Variants in CD86 observed in about 807,000 individuals in gnomAD.
The protein encoded by CD86 is T-lymphocyte activation antigen CD86.
Under a neutral mutation model 32.1 loss-of-function variants are expected in CD86, and 11 were observed. The ratio of observed to expected loss-of-function variants is 0.34; its 90% confidence interval spans 0.22 to 0.57. CD86 has a LOEUF of 0.57. Ranked by LOEUF, CD86 falls within the 20% of genes least tolerant of loss-of-function variation. CD86 has a pLI of 0.86. For missense variants in CD86, 359 were observed against 398.4 expected (o/e 0.90, Z 0.84); for synonymous variants, 137 against 135.3 (o/e 1.01, Z -0.09).
At chr3:122,096,731 TTG>T in intron 2 of CD86, among the ~76,000 whole-genome samples, 1 of 152,320 alleles carries the variant, frequency 6.6e-6, no homozygotes, top group Non-Finnish European at 1.5e-5. Flanking sequence ...CAGTGAGTAG[TTG>T]AGCTGAGATT....
At chr3:122,066,846 T>C (rs2072420415) in intron 1 of CD86, among the ~76,000 whole-genome samples, 1 of 151,944 alleles carries the variant, frequency 6.6e-6, no homozygotes, top group African/African-American at 2.4e-5. Context: ...TTTAACACGA[T>C]GAGGAAACTG....
chr3:122,063,563 T>C (rs1179737843), intron 1 of CD86, among the ~76,000 whole-genome samples: 2 of 151,832 alleles, frequency 1.3e-5, no homozygotes, highest in African/African-American at 2.4e-5. Flanking sequence ...TGGTAAATGG[T>C]TCCTAAAACT....
intron 1 of CD86, among the ~76,000 whole-genome samples, chr3:122,073,309 G>T (rs57720977): frequency 3.3e-5 from 5 of 151,662 alleles, no homozygotes; most frequent in Admixed American, 6.6e-5. Context: ...TGCTGTCCGT[G>T]TACCTTCTTT....
chr3:122,061,089 C>G (rs1056022318), intron 1 of CD86, among the ~76,000 whole-genome samples: 1 of 152,040 alleles, frequency 6.6e-6, no homozygotes, highest in Non-Finnish European at 1.5e-5. Flanking sequence ...CAGATTTGCA[C>G]TAAAACATCA....
intron 1 of CD86, among the ~76,000 whole-genome samples, chr3:122,075,264 C>T (rs868231619): frequency 5.9e-5 from 9 of 152,130 alleles, no homozygotes; most frequent in South Asian, 2.1e-4. Flanking sequence ...GGTGGCAGAG[C>T]TGCCAATGGG....
Position 122,055,415 on chromosome 3 carries a change from G to A in CD86, c.-75G>A. On this transcript the variant is annotated 5_prime_UTR_variant, in exon 1 of 7. Coordinates refer to ENST00000330540, the MANE Select transcript of CD86 (RefSeq NM_175862.5). ...GTGAAAGCTTTGCTTCTCTGCTGCT[G>A]TAACAGGGACTAGCACAGACACACG... 1 of 1,451,478 alleles carries A rather than the reference G, an allele frequency of 6.9e-7. No individual in the cohort carries two copies. The highest frequency in any genetic ancestry group is 1.1e-5 in the South Asian group (1 of 87,340). The allele number at this position is 1,451,478 out of a possible 1,614,324, so 89.9% of individuals were successfully genotyped here. A position where few individuals can be genotyped will look rare whatever the true frequency, so the allele number is the denominator to read the frequency against.
chr3:122,081,641 CAGTG>C (rs2072635769), intron 1 of CD86, among the ~76,000 whole-genome samples: 1 of 152,214 alleles, frequency 6.6e-6, no homozygotes, highest in Non-Finnish European at 1.5e-5. Context: ...GACTGTTAAA[CAGTG>C]CAGTGGCCCA....
rs142740156 is a variant in CD86 at position 122,084,896 on chromosome 3, A to G, written c.15-6705A>G. ...AAGGATATGTGTTTCTTTTTAATCT[A>G]TTATATCATTCTTCAGATCTCAGTT... On this transcript the variant is annotated intron_variant, in intron 1 of 6. Coordinates refer to ENST00000330540, the MANE Select transcript of CD86 (RefSeq NM_175862.5). Among the ~76,000 whole-genome samples, 4 of 152,312 alleles carry G rather than the reference A, an allele frequency of 2.6e-5. No homozygotes were observed. The East Asian group carries it at 7.7e-4, about 29-fold the overall frequency.
At chr3:122,062,088 T>TAA (rs1047767943) in intron 1 of CD86, among the ~76,000 whole-genome samples, 28 of 133,522 alleles carry the variant, frequency 2.1e-4, no homozygotes, top group Non-Finnish European at 3.4e-4. Flanking sequence ...GTTTAAAAAG[T>TAA]AAAAAAAAAA....
chr3:122,076,982 C>T (rs1268848769), intron 1 of CD86, among the ~76,000 whole-genome samples: 1 of 152,192 alleles, frequency 6.6e-6, no homozygotes, highest in Non-Finnish European at 1.5e-5. Flanking sequence ...TGTGGATGAG[C>T]CTCCCCAACC....
intron 1 of CD86, among the ~76,000 whole-genome samples, chr3:122,089,353 T>C (rs1254681639): frequency 6.6e-6 from 1 of 152,234 alleles, no homozygotes; most frequent in Non-Finnish European, 1.5e-5. Flanking sequence ...TAAAGATTTC[T>C]AAAACTTATG....
chr3:122,108,574 G>C (rs1447976396), intron 4 of CD86, among the ~76,000 whole-genome samples: 2 of 152,186 alleles, frequency 1.3e-5, no homozygotes. Context: ...TCCGTTCTAA[G>C]TTTTCCCCAC....
intron 2 of CD86, chr3:122,091,865 G>A (rs1334755687): frequency 9.1e-6 from 5 of 549,520 alleles, no homozygotes; most frequent in East Asian, 6.1e-5. Context: ...TCTCCCCCCC[G>A]TGTGCTTCTT....
chr3:122,117,953 C>A, intron 5 of CD86, 95 bp from the exon 6 acceptor site: 1 of 969,650 alleles, frequency 1.0e-6, no homozygotes, highest in Non-Finnish European at 1.6e-6. Flanking sequence ...AACAATTTCT[C>A]TCTCAGTCCC....
intron 2 of CD86, among the ~76,000 whole-genome samples, chr3:122,095,190 G>A (rs1311575964): frequency 9.7e-6 from 1 of 103,516 alleles, no homozygotes; most frequent in Non-Finnish European, 2.0e-5. Flanking sequence ...TTTTTTTTTT[G>A]AGATGGAGTC....
chr3:122,060,579 T>A lies in CD86; in HGVS notation c.14+5076T>A, dbSNP rs371665621. ...GGGAGGATGGCTTGAGGCGAGGAGT[T>A]CCGTTCAAGACCAGTCTGAGCAACA... On this transcript the variant is annotated intron_variant, in intron 1 of 6. Coordinates refer to ENST00000330540, the MANE Select transcript of CD86 (RefSeq NM_175862.5). Among the ~76,000 whole-genome samples, 17 of 151,914 alleles carry A rather than the reference T, an allele frequency of 1.1e-4. 1 individual carries two copies. The highest frequency in any genetic ancestry group is 7.9e-4 in the Admixed American group (12 of 15,268).
At chr3:122,108,881 G>A (rs2073130081) in intron 4 of CD86, among the ~76,000 whole-genome samples, 1 of 152,160 alleles carries the variant, frequency 6.6e-6, no homozygotes, top group African/African-American at 2.4e-5. Flanking sequence ...CAGGGCCTGG[G>A]AACTGACTGC....
intron 1 of CD86, among the ~76,000 whole-genome samples, chr3:122,074,970 G>A (rs924900548): frequency 3.3e-5 from 5 of 152,072 alleles, no homozygotes; most frequent in South Asian, 2.1e-4. Flanking sequence ...CCACCATCAC[G>A]GTTGGCCCCA....
chr3:122,082,054 A>T (rs2715262), intron 1 of CD86, among the ~76,000 whole-genome samples: 18,333 of 152,232 alleles, frequency 0.12, 1,195 homozygotes, highest in Non-Finnish European at 0.14. Context: ...TGGAAATGTA[A>T]TGAGAATCTT....
Sources: allele counts gnomAD v4.1 joint callset (sites outside exome capture counted in the v4.1 genomes callset), GRCh38; gene constraint gnomAD v4.1.1; transcripts MANE v1.5; gene names NCBI Gene and HGNC (gene_info 2026-07-23, HGNC 2026-07-21).